The following NRDC variants were observed in gnomAD, a reference collection of about 807,000 sequenced individuals.
The protein encoded by NRDC is nardilysin.
In NRDC, 54 loss-of-function variants were observed where a neutral mutation model predicts 147.1. The observed-to-expected ratio is 0.37, with a 90% confidence interval of 0.29 to 0.46. The LOEUF (loss-of-function observed/expected upper bound fraction) is 0.46, where lower values mean the gene tolerates loss of function less well. NRDC is among the 20% of genes least tolerant of loss of function. The pLI is 1.00. For synonymous variants in NRDC, 440 were observed against 482.1 expected (o/e 0.91, Z 1.14); for missense variants, 1,082 against 1,370.6 (o/e 0.79, Z 3.33).
intron 1 of NRDC, among the ~76,000 whole-genome samples, chr1:51,844,032 TC>T (rs958237902): frequency 6.6e-6 from 1 of 152,152 alleles, no homozygotes; most frequent in African/African-American, 2.4e-5. Context: ...TCTGATAACT[TC>T]TCATCAACTC....
intron 11 of NRDC, among the ~76,000 whole-genome samples, chr1:51,815,182 C>CTTTTTTTTT: frequency 8.0e-6 from 1 of 125,550 alleles, no homozygotes; most frequent in Non-Finnish European, 1.7e-5. Context: ...ACCTTTTTTT[C>CTTTTTTTTT]TTTTTTTTTT....
In NRDC at chr1:51,833,456, A is replaced by G. The variant is rs1450521920; in HGVS notation, c.866+561T>C. Reference sequence around the variant, plus strand: ...CATATCTCTTAAAAAAAAAAAAAAAAAGTCATAATGAGTCAACAGAGAATA... The same window carrying G: ...CATATCTCTTAAAAAAAAAAAAAAAGAGTCATAATGAGTCAACAGAGAATA... On this transcript the variant is annotated intron_variant, in intron 4 of 30. Coordinates refer to ENST00000352171, the MANE Select transcript of NRDC (RefSeq NM_001101662.2). Among the ~76,000 whole-genome samples, 8 of 152,108 alleles carry G rather than the reference A, an allele frequency of 5.3e-5. 1 individual carries two copies. Among genetic ancestry groups the G allele is most frequent in the African/African-American group, 1.9e-4 (8 of 41,524 alleles).
chr1:51,847,866 C>T (rs1013947478), intron 1 of NRDC, among the ~76,000 whole-genome samples: 3 of 152,238 alleles, frequency 2.0e-5, no homozygotes, highest in South Asian at 4.1e-4. Flanking sequence ...GAGTGGGCAC[C>T]GAGGCCGAGG....
intron 1 of NRDC, among the ~76,000 whole-genome samples, chr1:51,846,068 T>C (rs1043513932): frequency 6.6e-6 from 1 of 151,824 alleles, no homozygotes; most frequent in African/African-American, 2.4e-5. Flanking sequence ...TGTATATATC[T>C]GGGGAAAGGA....
At chr1:51,817,660 G>A (rs892909228) in intron 10 of NRDC, among the ~76,000 whole-genome samples, 1 of 152,180 alleles carries the variant, frequency 6.6e-6, no homozygotes, top group Non-Finnish European at 1.5e-5. Context: ...TCGTGCCTCA[G>A]CCACCTGAGT....
chr1:51,851,570 T>G (rs150879445), intron 1 of NRDC, among the ~76,000 whole-genome samples: 171 of 152,078 alleles, frequency 1.1e-3, no homozygotes, highest in South Asian at 3.1e-3. Flanking sequence ...GATTTTTTTT[T>G]AATTGCAGTA....
Position 51,822,908 on chromosome 1 carries a change from AG to A in NRDC, c.1159+755del, listed in dbSNP as rs1371599979. On this transcript the variant is annotated intron_variant, in intron 7 of 30. Transcript: ENST00000352171. ...TGATCTTAATTTTGACAATGTAAAA[AG>A]CAAAACTTTATAAAAAGGGGAATCA... Among the ~76,000 whole-genome samples the A allele has an allele frequency of 4.6e-5, 7 of 152,358 alleles. No individual in the cohort carries two copies. In the East Asian group the frequency reaches 7.7e-4, roughly 17 times the overall value.
chr1:51,812,330 C>T (rs768218072), intron 14 of NRDC, among the ~76,000 whole-genome samples: 4 of 152,152 alleles, frequency 2.6e-5, no homozygotes, highest in Non-Finnish European at 5.9e-5. Flanking sequence ...TTACTTGAGA[C>T]CAGCCTGGGC....
chr1:51,870,465 C>G (rs12748434), intron 1 of NRDC, among the ~76,000 whole-genome samples: 1 of 152,146 alleles, frequency 6.6e-6, no homozygotes, highest in South Asian at 2.1e-4. Context: ...GTATTTACCA[C>G]GTATACACTT....
chr1:51,844,990 A>G (rs1681481462), intron 1 of NRDC, among the ~76,000 whole-genome samples: 1 of 152,150 alleles, frequency 6.6e-6, no homozygotes, highest in African/African-American at 2.4e-5. Flanking sequence ...TAGCAAATTA[A>G]TACAAGGCCA....
chr1:51,813,270 A>G (rs1162868523), intron 14 of NRDC, among the ~76,000 whole-genome samples: 2 of 152,232 alleles, frequency 1.3e-5, no homozygotes, highest in Admixed American at 1.3e-4. Flanking sequence ...AACGTAGTCA[A>G]TTCAAGTATT....
chr1:51,870,431 C>T (rs991045175), intron 1 of NRDC, among the ~76,000 whole-genome samples: 1 of 152,204 alleles, frequency 6.6e-6, no homozygotes, highest in African/African-American at 2.4e-5. Context: ...CATTTTCATG[C>T]TCAAGAACCC....
intron 17 of NRDC, among the ~76,000 whole-genome samples, chr1:51,807,690 G>A (rs1194022806): frequency 6.6e-6 from 1 of 152,004 alleles, no homozygotes; most frequent in Non-Finnish European, 1.5e-5. Flanking sequence ...CTGGGCAACA[G>A]AGTAAAACCC....
In NRDC at chr1:51,823,747, T is replaced by G; in HGVS notation, c.1076A>C (p.Asn359Thr). 6.2e-7 allele frequency: 1 copy of G among 1,607,256 alleles called. No homozygotes were observed. Among genetic ancestry groups the G allele is most frequent in the Non-Finnish European group, 8.5e-7 (1 of 1,174,504 alleles). Residue 359 changes from asparagine (N) to threonine (T), a missense_variant, in exon 7 of 31, where the codon AAT becomes ACT. Transcript: ENST00000352171. ...TCTCAATCTAGCATGTGTATCAATA[T>G]TATTCTTTCTTGGCTCATGCTTGAG... ...ETLKHEPRKN[N>T]IDTHARLREF... is the part of the protein sequence containing the mutation.
In NRDC at chr1:51,789,291, A is replaced by G. The variant is rs1383525065; in HGVS notation, c.3401T>C (p.Ile1134Thr). ...LADCIIPITD[I>T]RAFTTTLNLL... Reference sequence around the variant, plus strand: ...GTTGAGTGTTGTTGTGAAAGCCCTGATATCAGTAATGGGGATGATACAATC... The same window carrying G: ...GTTGAGTGTTGTTGTGAAAGCCCTGGTATCAGTAATGGGGATGATACAATC... Residue 1134 changes from isoleucine (I) to threonine (T), a missense_variant, in exon 31 of 31, where the codon ATC (isoleucine) becomes ACC (threonine). Physicochemically the swap from Ile to Thr is moderately conservative, Grantham distance 89. This residue lies in a region of NRDC where 187 missense variants were observed against 193.6 expected (regional missense o/e 0.97). Transcript: ENST00000352171. 6.2e-7 allele frequency: 1 copy of G among 1,614,160 alleles called. No homozygotes were observed. Among genetic ancestry groups the G allele is most frequent in the Non-Finnish European group, 8.5e-7 (1 of 1,180,002 alleles).
At chr1:51,841,086 A>G (rs946816516) in intron 1 of NRDC, among the ~76,000 whole-genome samples, 21 of 152,332 alleles carry the variant, frequency 1.4e-4, no homozygotes, top group African/African-American at 4.8e-4. Flanking sequence ...ACAGACTGGT[A>G]GCCCCGCAGG....
At chr1:51,829,206 G>A (rs1680590878) in intron 4 of NRDC, among the ~76,000 whole-genome samples, 1 of 152,256 alleles carries the variant, frequency 6.6e-6, no homozygotes, top group African/African-American at 2.4e-5. Context: ...TGAGGCTACA[G>A]GCATGTACCA....
intron 1 of NRDC, among the ~76,000 whole-genome samples, chr1:51,874,653 T>C (rs1213557549): frequency 1.3e-5 from 2 of 152,066 alleles, no homozygotes; most frequent in Admixed American, 1.3e-4. Context: ...ACACCACTAC[T>C]AATCCTGCCC....
intron 4 of NRDC, among the ~76,000 whole-genome samples, chr1:51,833,576 T>A (rs190832924): frequency 3.3e-5 from 5 of 152,082 alleles, no homozygotes; most frequent in Non-Finnish European, 7.4e-5. Context: ...AGTCAAAGTG[T>A]ATTTAACAGT....
Sources: gnomAD v4.1 joint callset for allele counts (sites outside exome capture counted in the v4.1 genomes callset) on GRCh38, gnomAD v4.1.1 for gene constraint, gnomAD v4.1.1 regional missense constraint, MANE v1.5 for transcripts, NCBI Gene and HGNC (gene_info 2026-07-23, HGNC 2026-07-21) for gene names.